The following VPS13B variants were observed in gnomAD, a reference collection of about 807,000 sequenced individuals.
VPS13B encodes the protein intermembrane lipid transfer protein VPS13B.
A neutral mutation model predicts 426.4 loss-of-function variants in VPS13B; 285 were observed. That is an observed-to-expected ratio of 0.67 (90% CI 0.61 to 0.74). The LOEUF is 0.74. VPS13B is among the 30% of genes least tolerant of loss of function. VPS13B has a pLI of 0.00. For missense variants in VPS13B, 4,537 were observed against 4,782.6 expected (o/e 0.95, Z 1.51); for synonymous variants, 1,676 against 1,676.4 (o/e 1.00, Z 0.01).
At chr8:99,351,435 A>T (rs3134155) in intron 19 of VPS13B, among the ~76,000 whole-genome samples, 119,326 of 145,584 alleles carry the variant, frequency 0.82, 49,334 homozygotes, top group South Asian at 0.88. Flanking sequence ...AGAGAGAGAG[A>T]GTGTGTGTGT....
intron 61 of VPS13B, among the ~76,000 whole-genome samples, chr8:99,873,888 TC>T (rs1268075291): frequency 6.6e-6 from 1 of 152,154 alleles, no homozygotes; most frequent in Non-Finnish European, 1.5e-5. Flanking sequence ...CGTGAACACT[TC>T]CAGTGAAGAC....
chr8:99,705,227 G>A (rs1832451096), intron 36 of VPS13B, among the ~76,000 whole-genome samples: 1 of 152,018 alleles, frequency 6.6e-6, no homozygotes, highest in South Asian at 2.1e-4. Flanking sequence ...GAACCTTGAG[G>A]CATTCGACAA....
chr8:99,702,618 C>T (rs1327835662), intron 36 of VPS13B, among the ~76,000 whole-genome samples: 1 of 152,126 alleles, frequency 6.6e-6, no homozygotes, highest in Non-Finnish European at 1.5e-5. Context: ...CTTGGGGTTT[C>T]TTCGGTTCTC....
chr8:99,858,725 G>A (rs570577573), intron 56 of VPS13B, among the ~76,000 whole-genome samples: 7 of 152,142 alleles, frequency 4.6e-5, no homozygotes, highest in African/African-American at 1.2e-4. Context: ...TTACATAACC[G>A]GAGCAGGGGT....
intron 43 of VPS13B, among the ~76,000 whole-genome samples, chr8:99,800,380 T>C (rs1232707258): frequency 1.3e-5 from 2 of 152,118 alleles, no homozygotes. Context: ...TTTAGAAGAA[T>C]GAAAACAATA....
chr8:99,027,734 T>A (rs1008616338), intron 2 of VPS13B, among the ~76,000 whole-genome samples: 8 of 151,994 alleles, frequency 5.3e-5, no homozygotes, highest in African/African-American at 1.7e-4. Context: ...TTTATTTTTT[T>A]ATTTTTTTAT....
At chr8:99,427,659 A>G (rs1249579970) in intron 21 of VPS13B, among the ~76,000 whole-genome samples, 1 of 152,100 alleles carries the variant, frequency 6.6e-6, no homozygotes, top group Non-Finnish European at 1.5e-5. Context: ...ATGGAAGAAC[A>G]TTCCATGCTC....
intron 21 of VPS13B, among the ~76,000 whole-genome samples, chr8:99,420,021 T>C (rs1816283818): frequency 6.6e-6 from 1 of 152,190 alleles, no homozygotes; most frequent in Admixed American, 6.5e-5. Context: ...AAAGTAAGTA[T>C]CCTATTAGAA....
intron 58 of VPS13B, among the ~76,000 whole-genome samples, chr8:99,866,096 G>A (rs1007261474): frequency 6.6e-6 from 1 of 152,250 alleles, no homozygotes; most frequent in Admixed American, 6.5e-5. Flanking sequence ...GGCTTCATCA[G>A]ATCACAGCCA....
intron 32 of VPS13B, among the ~76,000 whole-genome samples, chr8:99,576,399 G>A (rs1825777570): frequency 6.6e-6 from 1 of 151,396 alleles, no homozygotes. Flanking sequence ...TCCTGAATTG[G>A]TATACTTTTT....
At chr8:99,711,695 T>C (rs763785110) in intron 36 of VPS13B, among the ~76,000 whole-genome samples, 3 of 152,190 alleles carry the variant, frequency 2.0e-5, no homozygotes, top group Non-Finnish European at 4.4e-5. Context: ...ACAGAGTCAA[T>C]ATTAGAAATG....
intron 39 of VPS13B, among the ~76,000 whole-genome samples, chr8:99,725,294 C>CCAT (rs1272508102): frequency 1.3e-5 from 2 of 152,196 alleles, no homozygotes; most frequent in African/African-American, 2.4e-5. Flanking sequence ...GTCCCCCAGC[C>CCAT]CATGGCCTGT....
chr8:99,549,103 CTG>C (rs1224186222), intron 30 of VPS13B, among the ~76,000 whole-genome samples: 2 of 152,100 alleles, frequency 1.3e-5, no homozygotes, highest in African/African-American at 2.4e-5. Flanking sequence ...GTTGAAGAAA[CTG>C]TGTTTTAAAG....
intron 31 of VPS13B, among the ~76,000 whole-genome samples, chr8:99,575,320 A>T (rs1175991037): frequency 6.6e-6 from 1 of 152,210 alleles, no homozygotes; most frequent in African/African-American, 2.4e-5. Flanking sequence ...TTATTCCAAA[A>T]AATAGTAAGA....
chr8:99,298,856 T>A (rs113121410), intron 19 of VPS13B, among the ~76,000 whole-genome samples: 219 of 152,298 alleles, frequency 1.4e-3, no homozygotes, highest in African/African-American at 5.0e-3. Flanking sequence ...TTACAGGGAT[T>A]GTTTTTAGGA....
At chr8:99,224,255 T>A (rs1228633748) in intron 17 of VPS13B, among the ~76,000 whole-genome samples, 1 of 151,308 alleles carries the variant, frequency 6.6e-6, no homozygotes, top group African/African-American at 2.4e-5. Flanking sequence ...TGTGTTCATG[T>A]AGTGGGAAAA....
intron 4 of VPS13B, among the ~76,000 whole-genome samples, chr8:99,097,524 A>G (rs1445662585): frequency 1.3e-5 from 2 of 152,160 alleles, no homozygotes; most frequent in African/African-American, 4.8e-5. Flanking sequence ...GATGAGCTCT[A>G]ATGAACCACA....
chr8:99,510,357 A>G lies in VPS13B; in HGVS notation c.4225-747A>G, dbSNP rs188190886. 4.6e-5 allele frequency among the ~76,000 whole-genome samples: 7 copies of G among 152,320 alleles called. 1 individual carries two copies. The East Asian group carries it at 1.3e-3, about 29-fold the overall frequency. The stretch of plus-strand genomic sequence containing the variant: ...TCTGGCCTATTCAGATTTGGTCTCA[A>G]ATAAAAATATGTAATGTGGTTATTT... On this transcript the variant is annotated intron_variant, in intron 28 of 61. Transcript: ENST00000357162.
chr8:99,494,204 G>A (rs80271226), intron 25 of VPS13B, among the ~76,000 whole-genome samples: 4,113 of 152,036 alleles, frequency 0.027, 75 homozygotes, highest in Non-Finnish European at 0.042. Context: ...CAGTTCTGTG[G>A]TATTAAGTAC....
Sources: allele counts gnomAD v4.1 joint callset (sites outside exome capture counted in the v4.1 genomes callset), GRCh38; gene constraint gnomAD v4.1.1; transcripts MANE v1.5; gene names NCBI Gene and HGNC (gene_info 2026-07-23, HGNC 2026-07-21).